The following CYLC2 variants were observed in gnomAD, a reference collection of about 807,000 sequenced individuals.
CYLC2 encodes the protein cylicin 2.
CYLC2 carries 30 observed loss-of-function variants against 26.1 expected under a neutral mutation model. The ratio of observed to expected loss-of-function variants is 1.15; its 90% CI spans 0.86 to 1.56. The LOEUF (loss-of-function observed/expected upper bound fraction) is 1.56, where lower values mean the gene tolerates loss of function less well. Among genes scored for constraint, CYLC2 ranks in the 40% most tolerant of loss-of-function variants. CYLC2 has a pLI of 0.00. For synonymous variants in CYLC2, 158 were observed against 132.8 expected (o/e 1.19, Z -1.31); for missense variants, 498 against 394.4 (o/e 1.26, Z -2.23).
At chr9:103,006,402 CTTAT>C (rs374595023) in intron 5 of CYLC2, 24 bp downstream of exon 5, 15,509 of 117,876 alleles carry the variant, frequency 0.13, 859 homozygotes, top group South Asian at 0.22. Context: ...GTTTTGTTTA[CTTAT>C]TTATTTATTT....
chr9:103,016,237 A>AC (rs1345627918), intron 6 of CYLC2, among the ~76,000 whole-genome samples: 20 of 151,872 alleles, frequency 1.3e-4, no homozygotes, highest in Non-Finnish European at 2.8e-4. Flanking sequence ...ATAGATACCT[A>AC]ATTGGGAACA....
chr9:103,015,370 A>C (rs1234473447), intron 6 of CYLC2, among the ~76,000 whole-genome samples: 1 of 103,910 alleles, frequency 9.6e-6, no homozygotes, highest in Admixed American at 1.5e-4. Flanking sequence ...CATATTATAT[A>C]ATGTAATATA....
At chr9:103,011,943 TTC>T (rs1436367768) in intron 5 of CYLC2, 37 bp from the exon 6 acceptor site, 15 of 137,210 alleles carry the variant, frequency 1.1e-4, no homozygotes, top group African/African-American at 4.1e-4. Context: ...ACTTAGATCA[TTC>T]TCTTTTTTTT....
At chr9:103,013,673 A>G (rs866138593) in intron 6 of CYLC2, among the ~76,000 whole-genome samples, 3 of 111,600 alleles carry the variant, frequency 2.7e-5, no homozygotes, top group Middle Eastern at 0.012. Context: ...ATATTAAATA[A>G]TATATATGAT....
Position 103,014,302 on chromosome 9 carries a change from A to G in CYLC2, c.*816+2205A>G, listed in dbSNP as rs1223624897. The stretch of plus-strand genomic sequence containing the variant: ...TTACATAGTATACATAATATTACAT[A>G]TATATTACATTGTATATATTACATA... On this transcript the variant is annotated intron_variant, in intron 6 of 7. Transcript: ENST00000374798. Among the ~76,000 whole-genome samples the G allele has an allele frequency of 3.0e-5, 4 of 133,570 alleles. No homozygotes were observed. In the East Asian group the frequency reaches 9.1e-4, roughly 30 times the overall value. 87.6% of individuals were successfully genotyped at this position (133,570 alleles called of 152,430 possible).
intron 3 of CYLC2, among the ~76,000 whole-genome samples, chr9:103,004,187 C>T (rs1829315886): frequency 6.6e-6 from 1 of 152,062 alleles, no homozygotes; most frequent in South Asian, 2.1e-4. Context: ...TCTGATCATA[C>T]TCAATTTATA....
chr9:103,014,404 G>A (rs1439206029), intron 6 of CYLC2, among the ~76,000 whole-genome samples: 1 of 85,128 alleles, frequency 1.2e-5, no homozygotes, highest in Non-Finnish European at 2.3e-5. Context: ...CATAATGTAT[G>A]TTACGTAATG....
At chr9:103,014,362 A>G (rs896387620) in intron 6 of CYLC2, among the ~76,000 whole-genome samples, 2 of 137,698 alleles carry the variant, frequency 1.5e-5, no homozygotes, top group East Asian at 2.2e-4. Context: ...CTAATATTAC[A>G]TAATATACAT....
At chr9:102,995,836 G>C (rs932134803) in intron 1 of CYLC2, among the ~76,000 whole-genome samples, 5 of 151,782 alleles carry the variant, frequency 3.3e-5, no homozygotes, top group African/African-American at 9.7e-5. Context: ...GTAAAAAGTG[G>C]GGCAGCTCTA....
chr9:103,015,630 T>G (rs767248594), intron 6 of CYLC2, among the ~76,000 whole-genome samples: 2 of 147,204 alleles, frequency 1.4e-5, no homozygotes, highest in Non-Finnish European at 3.0e-5. Flanking sequence ...GTCTCTTGAG[T>G]GTTCCTTGGA....
intron 3 of CYLC2, among the ~76,000 whole-genome samples, chr9:103,003,555 G>A (rs1050126019): frequency 5.3e-5 from 8 of 152,066 alleles, no homozygotes; most frequent in African/African-American, 1.9e-4. Context: ...ATTCACATGT[G>A]GCTATGAAAT....
chr9:102,999,831 T>C (rs1404220491), intron 1 of CYLC2, among the ~76,000 whole-genome samples: 1 of 151,896 alleles, frequency 6.6e-6, no homozygotes, highest in Non-Finnish European at 1.5e-5. Context: ...TCATGATGTA[T>C]TAGCAATTTT....
intron 5 of CYLC2, chr9:103,010,780 C>T (rs1003223307): frequency 6.6e-6 from 1 of 152,042 alleles, no homozygotes; most frequent in Non-Finnish European, 1.5e-5. Context: ...ACTGTTCCTA[C>T]TCTCTATACC....
intron 6 of CYLC2, among the ~76,000 whole-genome samples, chr9:103,014,724 TAATATA>T: frequency 1.9e-5 from 2 of 105,724 alleles, no homozygotes; most frequent in Non-Finnish European, 3.8e-5. Context: ...TATACATATG[TAATATA>T]CGTATGTATA....
At chr9:103,007,992 G>T (rs778755336) in intron 5 of CYLC2, among the ~76,000 whole-genome samples, 13 of 150,528 alleles carry the variant, frequency 8.6e-5, no homozygotes, top group Non-Finnish European at 1.5e-4. Flanking sequence ...GGCAGAGGGA[G>T]TCAAATCCTG....
intron 6 of CYLC2, among the ~76,000 whole-genome samples, chr9:103,015,537 AAAT>A (rs1431114069): frequency 7.0e-6 from 1 of 142,286 alleles, no homozygotes; most frequent in Non-Finnish European, 1.5e-5. Flanking sequence ...ATAAATATAT[AAAT>A]ATTATATATA....
intron 1 of CYLC2, among the ~76,000 whole-genome samples, chr9:102,997,148 G>A (rs1829246279): frequency 1.3e-5 from 2 of 151,750 alleles, no homozygotes; most frequent in Admixed American, 6.6e-5. Context: ...ATAAATCCTG[G>A]CACCACTCAC....
At chr9:103,000,062 A>G (rs1488453927) in intron 1 of CYLC2, among the ~76,000 whole-genome samples, 1 of 151,792 alleles carries the variant, frequency 6.6e-6, no homozygotes, top group Non-Finnish European at 1.5e-5. Context: ...TTGATTTTAA[A>G]CATTTTTTAT....
intron 3 of CYLC2, 150 bp from the exon 4 acceptor site, chr9:103,004,545 C>G (rs1829318918): frequency 3.4e-6 from 2 of 583,118 alleles, no homozygotes; most frequent in Non-Finnish European, 5.7e-6. Context: ...AATAAAAAAG[C>G]AAAATAAAGG....
Sources: gnomAD v4.1 joint callset for allele counts (sites outside exome capture counted in the v4.1 genomes callset) on GRCh38, gnomAD v4.1.1 for gene constraint, MANE v1.5 for transcripts, NCBI Gene and HGNC (gene_info 2026-07-23, HGNC 2026-07-21) for gene names.